MYH6: variants seen among roughly 807,000 people sequenced by gnomAD.
The protein encoded by MYH6 is myosin heavy chain 6, also known as myosin-6.
A neutral mutation model predicts 223.2 loss-of-function variants in MYH6; 126 were observed. The ratio of observed to expected loss-of-function variants is 0.56; its 90% CI spans 0.49 to 0.65. The LOEUF is 0.65. Ranked by LOEUF, MYH6 falls within the 30% of genes least tolerant of loss-of-function variation. The pLI is 0.00. For missense variants in MYH6, 2,040 were observed against 2,536.4 expected, an observed-to-expected ratio of 0.80 and a Z score of 4.20; for synonymous variants, 978 against 1,010.2, an observed-to-expected ratio of 0.97 and a Z score of 0.61.
At chr14:23,395,549 T>C (rs926258704) in intron 20 of MYH6, among the ~76,000 whole-genome samples, 1 of 151,472 alleles carries the variant, frequency 6.6e-6, no homozygotes, top group African/African-American at 2.4e-5. Flanking sequence ...TTTTTTGAGA[T>C]GGAGTCTCGC....
chr14:23,398,103 C>T (rs753216980), intron 15 of MYH6, among the ~76,000 whole-genome samples: 8 of 151,640 alleles, frequency 5.3e-5, no homozygotes, highest in Non-Finnish European at 1.2e-4. Flanking sequence ...CTGCAACCTC[C>T]GTCGCCCGGA....
rs764362016 is a variant in MYH6 at position 23,398,751 on chromosome 14, G to A, written c.1868C>T (p.Ser623Phe). The change falls in exon 15 of 39, where the codon TCC (serine) becomes TTC (phenylalanine). Residue 623 changes from serine (S) to phenylalanine (F), a missense_variant. This residue lies in a region of MYH6 where 649 missense variants were observed against 877.3 expected (regional missense o/e 0.74). Coordinates refer to ENST00000405093, the MANE Select transcript of MYH6 (RefSeq NM_002471.4). ...ACCAGTATCGGCAGTTGCGTAGGAG[G>A]AGAAGAGAGTGGCCATGAGCTTGAG... ...SSLKLMATLFSSYATADTGDS... is the reference protein window; with the variant it reads ...SSLKLMATLFFSYATADTGDS... 3.0e-5 allele frequency: 48 copies of A among 1,614,238 alleles called. 1 individual carries two copies. In the South Asian group the frequency reaches 5.2e-4, roughly 17 times the overall value.
At chr14:23,392,780 G>A in intron 24 of MYH6, 128 bp from the exon 25 acceptor site, 1 of 1,489,240 alleles carries the variant, frequency 6.7e-7, no homozygotes, top group Non-Finnish European at 9.3e-7. Context: ...GAAAGTGGCG[G>A]AAGAGGGCTG....
rs532534338 is a variant in MYH6 at position 23,403,196 on chromosome 14, C to T, written c.898+152G>A. On this transcript the variant is annotated intron_variant, in intron 10 of 38. Coordinates refer to ENST00000405093, the MANE Select transcript of MYH6 (RefSeq NM_002471.4). The stretch of plus-strand genomic sequence containing the variant: ...GACGCAGGTGGTCTTGGGAGGGAAG[C>T]GAGAGGGAGCTGGCGGAGTGAGTGG... 15 of 759,296 alleles carry T rather than the reference C, an allele frequency of 2.0e-5. No homozygotes were observed. The African/African-American group carries it at 2.0e-4, about 10-fold the overall frequency. The allele number at this position is 759,296 out of a possible 1,614,324, so 47.0% of individuals were successfully genotyped here.
intron 20 of MYH6, 57 bp downstream of exon 20, chr14:23,396,227 C>T: frequency 1.2e-6 from 2 of 1,611,972 alleles, no homozygotes; most frequent in South Asian, 2.2e-5. Flanking sequence ...CACTAGTTGA[C>T]ATTGCGGATC....
chr14:23,383,339 G>GCGCCCCCCCCCCC lies in MYH6; in HGVS notation c.5566-20_5566-19insGGGGGGGGGGGCG. On this transcript the variant is annotated intron_variant, in intron 36 of 38. Coordinates refer to ENST00000405093, the MANE Select transcript of MYH6 (RefSeq NM_002471.4). ...CCTCTGTCTGGGGGTGGGAGGGTGG[G>GCGCCCCCCCCCCC]AGAAGCTGGTTTGGAGGGGGAGCAA... 1 of 108,202 alleles carries GCGCCCCCCCCCCC rather than the reference G, an allele frequency of 9.2e-6. No homozygotes were observed. Among genetic ancestry groups the GCGCCCCCCCCCCC allele is most frequent in the Non-Finnish European group, 1.8e-5 (1 of 54,384 alleles). The allele number at this position is 108,202 out of a possible 1,614,324, so 6.7% of individuals were successfully genotyped here.
At position 23,405,184 on chromosome 14, in the gene MYH6, C is replaced by T. The variant is rs993844594; in HGVS notation, c.502+39G>A. The T allele has an allele frequency of 1.2e-6, 2 of 1,613,838 alleles. No individual in the cohort carries two copies. The highest frequency in any genetic ancestry group is 1.7e-6 in the Non-Finnish European group (2 of 1,180,048). On this transcript the variant is annotated intron_variant, in intron 5 of 38. Transcript: ENST00000405093. The surrounding 1 kb of genome is among the most constrained non-coding windows in gnomAD (Gnocchi z 4.7). ...CAGGGCTGAGGATCTGGGTGGGTGT[C>T]TGGGAGGAGGAGCAGAGACCAGGGG...
chr14:23,391,930 TG>T (rs975873745), intron 25 of MYH6, among the ~76,000 whole-genome samples: 2 of 152,176 alleles, frequency 1.3e-5, no homozygotes, highest in African/African-American at 4.8e-5. Flanking sequence ...TTCTCTAAAT[TG>T]GGCTATATTA....
At chr14:23,395,564 T>C (rs1243528619) in intron 20 of MYH6, among the ~76,000 whole-genome samples, 2 of 151,922 alleles carry the variant, frequency 1.3e-5, no homozygotes, top group Non-Finnish European at 2.9e-5. Context: ...TCTCGCTCTG[T>C]CGCCCAGGCT....
At position 23,386,298 on chromosome 14, in the gene MYH6, C is replaced by T; in HGVS notation, c.4959+17G>A. The T allele has an allele frequency of 1.2e-6, 2 of 1,614,080 alleles. No homozygotes were observed. The highest frequency in any genetic ancestry group is 1.7e-6 in the Non-Finnish European group (2 of 1,180,022). ...ATGGAGGCCAGTCCCCTGAGGGGAC[C>T]TCCCGCCCCCATGTACCTTCAGCAA... On this transcript the variant is annotated intron_variant, in intron 33 of 38. Coordinates refer to ENST00000405093, the MANE Select transcript of MYH6 (RefSeq NM_002471.4).
rs1032403992 is a variant in MYH6 at position 23,388,922 on chromosome 14, G to A, written c.4112C>T (p.Ala1371Val). 6.2e-7 allele frequency: 1 copy of A among 1,613,784 alleles called. No homozygotes were observed. The highest frequency in any genetic ancestry group is 8.5e-7 in the Non-Finnish European group (1 of 1,180,044). The change falls in exon 29 of 39, where the codon GCC (alanine) becomes GTC (valine). Residue 1371 changes from alanine to valine, a missense_variant. This residue lies in a region of MYH6 where 1,203 missense variants were observed against 1,400.2 expected (regional missense o/e 0.86). Coordinates refer to ENST00000405093, the MANE Select transcript of MYH6 (RefSeq NM_002471.4). ...RVLSKANSEV[A>V]QWRTKYETDA... is the part of the protein sequence containing the mutation. ...CGTCTCATACTTGGTCCTCCACTGG[G>A]CCACCTCCGAGTTGGCCTTGGACAG...
chr14:23,400,000 G>T, intron 14 of MYH6: 1 of 559,622 alleles, frequency 1.8e-6, no homozygotes, highest in Non-Finnish European at 3.2e-6. Flanking sequence ...GGGGCCAGGG[G>T]CCTCTCCTTC....
At chr14:23,404,505 T>C in intron 7 of MYH6, 117 bp from the exon 8 acceptor site, 3 of 1,279,912 alleles carry the variant, frequency 2.3e-6, no homozygotes, top group Non-Finnish European at 3.4e-6. Flanking sequence ...GGTGAACCGC[T>C]AGTGGGTCTG....
rs534138672 is a variant in MYH6 at position 23,384,949 on chromosome 14, G to A, written c.5256C>T (p.Asn1752=). 3 of 1,614,226 alleles carry A rather than the reference G, an allele frequency of 1.9e-6. No homozygotes were observed. The highest frequency in any genetic ancestry group is 1.1e-5 in the South Asian group (1 of 91,084). Residue 1752 remains asparagine, a synonymous_variant, in exon 35 of 39, where the codon AAC becomes AAT. Transcript: ENST00000405093. ...TGGCCTTCTTGGCCTTCTCCTCGGCGTTTCTGCACTCCTGCACTGCCTCCT... is the reference window on the plus strand; with the variant it reads ...TGGCCTTCTTGGCCTTCTCCTCGGCATTTCTGCACTCCTGCACTGCCTCCT... ...EVEEAVQECR[N]AEEKAKKAIT...
At chr14:23,402,858 G>A in intron 10 of MYH6, 58 bp from the exon 11 acceptor site, 2 of 1,182,598 alleles carry the variant, frequency 1.7e-6, no homozygotes. Flanking sequence ...CAGGGAAGGG[G>A]CAGGTAGAGT....
In MYH6 at chr14:23,396,990, C is replaced by A. The variant is rs776602843; in HGVS notation, c.2141G>T (p.Arg714Leu). The A allele has an allele frequency of 6.2e-7, 1 of 1,613,406 alleles. No individual in the cohort carries two copies. The highest frequency in any genetic ancestry group is 8.5e-7 in the Non-Finnish European group (1 of 1,180,040). Residue 714 changes from arginine to leucine, a missense_variant, in exon 18 of 39, where the codon CGC (arginine) becomes CTC (leucine). Transcript: ENST00000405093. ...CTGCCGGAAGTCCCCGTAGAGGATG[C>A]GGTTGGGGAAGCCCTTCCTGCAGAT... is the stretch of plus-strand genomic sequence containing the variant. ...IRICRKGFPNRILYGDFRQRY... is the reference protein window; with the variant it reads ...IRICRKGFPNLILYGDFRQRY...
At position 23,383,339 on chromosome 14, in the gene MYH6, G is replaced by GGGGGGGGGCCCC; in HGVS notation, c.5566-20_5566-19insGGGGCCCCCCCC. On this transcript the variant is annotated intron_variant, in intron 36 of 38. Transcript: ENST00000405093. ...CCTCTGTCTGGGGGTGGGAGGGTGG[G>GGGGGGGGGCCCC]AGAAGCTGGTTTGGAGGGGGAGCAA... The GGGGGGGGGCCCC allele has an allele frequency of 9.2e-6, 1 of 108,202 alleles. No individual in the cohort carries two copies. The highest frequency in any genetic ancestry group is 9.5e-5 in the African/African-American group (1 of 10,532). The allele number at this position is 108,202 out of a possible 1,614,324, so 6.7% of individuals were successfully genotyped here. A position where few individuals can be genotyped will look rare whatever the true frequency, so the allele number is the denominator to read the frequency against.
rs767073355 is a variant in MYH6, at chr14:23,386,325, C to T, written c.4949G>A (p.Ser1650Asn). The T allele has an allele frequency of 4.3e-6, 7 of 1,614,018 alleles. No individual in the cohort carries two copies. In the Admixed American group the frequency reaches 8.3e-5, roughly 19 times the overall value. Reference protein sequence around the residue: ...EAQKQVKSLQSLLKDTQIQLD... With the variant: ...EAQKQVKSLQNLLKDTQIQLD... ...CCCGCCCCCATGTACCTTCAGCAAG[C>T]TCTGGAGGCTCTTGACTTGCTTCTG... Residue 1650 changes from serine (S) to asparagine (N), a missense_variant, in exon 33 of 39, where the codon AGC (serine) becomes AAC (asparagine). Coordinates refer to ENST00000405093, the MANE Select transcript of MYH6 (RefSeq NM_002471.4).
rs769651526 is a variant in MYH6 at position 23,393,489 on chromosome 14, C to A, written c.2958G>T (p.Gly986=). The change falls in exon 23 of 39, where the codon GGG becomes GGT. Residue 986 remains glycine, a synonymous_variant. Transcript: ENST00000405093. Reference sequence around the variant, plus strand: ...TCAGCTTAGCGATGATTTCATCCAGCCCAGCCATCTCCTCTGTTAGGTTCT... The same window carrying A: ...TCAGCTTAGCGATGATTTCATCCAGACCAGCCATCTCCTCTGTTAGGTTCT... ...KVKNLTEEMA[G]LDEIIAKLTK... 1 of 1,614,160 alleles carries A rather than the reference C, an allele frequency of 6.2e-7. No homozygotes were observed. The highest frequency in any genetic ancestry group is 1.7e-5 in the Admixed American group (1 of 60,022).
Sources: gnomAD v4.1 joint callset for allele counts (sites outside exome capture counted in the v4.1 genomes callset) on GRCh38, gnomAD v4.1.1 for gene constraint, gnomAD v4.1.1 regional missense constraint, Gnocchi (gnomAD v3.1) non-coding constraint, MANE v1.5 for transcripts, NCBI Gene and HGNC (gene_info 2026-07-23, HGNC 2026-07-21) for gene names.